The following CELSR1 variants were observed in gnomAD, a reference collection of about 807,000 sequenced individuals.
CELSR1 encodes adhesion G protein-coupled receptor C1.
In CELSR1, 110 loss-of-function variants were observed where a neutral mutation model predicts 249.1. The observed-to-expected ratio is 0.44, with a 90% confidence interval of 0.38 to 0.52. The LOEUF (loss-of-function observed/expected upper bound fraction) is 0.52. Among genes scored for constraint, CELSR1 ranks in the 20% least tolerant of loss-of-function variants. CELSR1 has a pLI of 0.00. For synonymous variants in CELSR1, 2,113 were observed against 1,900.0 expected, an observed-to-expected ratio of 1.11 and a Z score of -2.92; for missense variants, 4,109 against 4,296.4, an observed-to-expected ratio of 0.96 and a Z score of 1.22.
chr22:46,411,003 C>T lies in CELSR1; in HGVS notation c.4770-442G>A, dbSNP rs1411711026. Among the ~76,000 whole-genome samples, 2 of 152,016 alleles carry T rather than the reference C, an allele frequency of 1.3e-5. No individual in the cohort carries two copies. The highest frequency in any genetic ancestry group is 1.3e-4 in the Admixed American group (2 of 15,260). On this transcript the variant is annotated intron_variant, in intron 6 of 34. Transcript: ENST00000674500. This position sits in a 1 kb window ranked among gnomAD's most constrained non-coding sequence, Gnocchi z 4.2. ...CGGGCAGATCACGAGGTCAAGAGAT[C>T]GAGACCATCCTGGCCAACAGGATGG...
chr22:46,522,396 C>A (rs889563370), intron 1 of CELSR1, among the ~76,000 whole-genome samples: 2 of 152,152 alleles, frequency 1.3e-5, no homozygotes, highest in Non-Finnish European at 2.9e-5. Flanking sequence ...TAGGCTGGAG[C>A]CCCCACGCCT....
chr22:46,369,609 G>T, intron 26 of CELSR1, 83 bp downstream of exon 26: 3 of 1,303,636 alleles, frequency 2.3e-6, no homozygotes, highest in South Asian at 1.3e-5. Flanking sequence ...CAGAGGAGTT[G>T]GTGGCCCCAG....
intron 14 of CELSR1, among the ~76,000 whole-genome samples, chr22:46,392,616 G>A (rs1271682163): frequency 1.3e-5 from 2 of 152,088 alleles, no homozygotes; most frequent in African/African-American, 4.8e-5. Flanking sequence ...GAGTGCAGTG[G>A]TGCAGTCACA....
At chr22:46,373,996 A>T (rs80220256) in intron 24 of CELSR1, among the ~76,000 whole-genome samples, 6 of 152,206 alleles carry the variant, frequency 3.9e-5, no homozygotes, top group Non-Finnish European at 4.4e-5. Context: ...TCGAAGGGCC[A>T]GCCACCCTCC....
chr22:46,458,154 G>T (rs2079978982), intron 2 of CELSR1, among the ~76,000 whole-genome samples: 2 of 152,168 alleles, frequency 1.3e-5, no homozygotes, highest in Admixed American at 6.5e-5. Context: ...AGACCTGGGG[G>T]AAGGTGCGCT....
intron 1 of CELSR1, among the ~76,000 whole-genome samples, chr22:46,491,365 G>T (rs1327471111): frequency 6.7e-6 from 1 of 148,998 alleles, no homozygotes; most frequent in Non-Finnish European, 1.5e-5. Context: ...CCAGGTTCAA[G>T]TGATTCTCCT....
rs773457334 is a variant in CELSR1, at chr22:46,369,246, T to C, written c.7885A>G (p.Thr2629Ala). 1.2e-6 allele frequency: 2 copies of C among 1,613,578 alleles called. No individual in the cohort carries two copies. Among genetic ancestry groups the C allele is most frequent in the South Asian group, 2.2e-5 (2 of 91,054 alleles). ...IGAVIIINTV[T>A]SVLSAKVSCQ... ...GAAACCTTTGCAGATAGGACAGAAGTGACTGTGTTGATCTGAAAACAAAAC... is the reference window on the plus strand; with the variant it reads ...GAAACCTTTGCAGATAGGACAGAAGCGACTGTGTTGATCTGAAAACAAAAC... The change falls in exon 27 of 35, where the codon ACT becomes GCT. Residue 2629 changes from threonine to alanine, a missense_variant. Physicochemically the swap from Thr to Ala is moderately conservative, Grantham distance 58. Coordinates refer to ENST00000674500, the MANE Select transcript of CELSR1 (RefSeq NM_001378328.1).
intron 1 of CELSR1, among the ~76,000 whole-genome samples, chr22:46,510,356 G>A (rs1454435416): frequency 2.0e-5 from 3 of 152,016 alleles, no homozygotes; most frequent in African/African-American, 7.3e-5. Flanking sequence ...CCGAGCCACG[G>A]AGGCTGGAAC....
chr22:46,423,846 G>A lies in CELSR1; in HGVS notation c.4611+9547C>T, dbSNP rs1305985723. Reference sequence around the variant, plus strand: ...AATTAGCCAGGCGTGGTGGTGGTGCGCACCTGTAATCCCAGCTACTTGGGA... The same window carrying A: ...AATTAGCCAGGCGTGGTGGTGGTGCACACCTGTAATCCCAGCTACTTGGGA... On this transcript the variant is annotated intron_variant, in intron 5 of 34. Coordinates refer to ENST00000674500, the MANE Select transcript of CELSR1 (RefSeq NM_001378328.1). The surrounding 1 kb of genome is among the most constrained non-coding windows in gnomAD (Gnocchi z 5.6). 2.0e-5 allele frequency among the ~76,000 whole-genome samples: 3 copies of A among 151,130 alleles called. No homozygotes were observed. The highest frequency in any genetic ancestry group is 7.3e-5 in the African/African-American group (3 of 41,076).
chr22:46,522,194 C>A (rs2080693217), intron 1 of CELSR1, among the ~76,000 whole-genome samples: 1 of 152,198 alleles, frequency 6.6e-6, no homozygotes, highest in Non-Finnish European at 1.5e-5. Context: ...GATGCAATCT[C>A]AGCTCACTGC....
intron 12 of CELSR1, 80 bp downstream of exon 12, chr22:46,397,594 G>A (rs761383203): frequency 3.5e-5 from 46 of 1,311,126 alleles, no homozygotes; most frequent in Non-Finnish European, 3.9e-5. Context: ...GGACGCTAAT[G>A]TCTAAACTGA....
At position 46,492,432 on chromosome 22, in the gene CELSR1, T is replaced by C. The variant is rs963111106; in HGVS notation, c.3545-28087A>G. On this transcript the variant is annotated intron_variant, in intron 1 of 34. Coordinates refer to ENST00000674500, the MANE Select transcript of CELSR1 (RefSeq NM_001378328.1). ...GCCCAATTTCAACCAGGGACAGAAA[T>C]TACCTCTTTTTTCTTTTCCATAAAA... Among the ~76,000 whole-genome samples, 6 of 152,294 alleles carry C rather than the reference T, an allele frequency of 3.9e-5. No individual in the cohort carries two copies. In the South Asian group the frequency reaches 1.0e-3, roughly 26 times the overall value.
At position 46,391,583 on chromosome 22, in the gene CELSR1, C is replaced by A. The variant is rs199620589; in HGVS notation, c.6148+50G>T. ...TGCACACACGTGCACGCCAGTGCAGCAGCCTGTCCCCGCGCTGTAACCTGC... is the reference window on the plus strand; with the variant it reads ...TGCACACACGTGCACGCCAGTGCAGAAGCCTGTCCCCGCGCTGTAACCTGC... On this transcript the variant is annotated intron_variant, in intron 15 of 34. Transcript: ENST00000674500. This position sits in a 1 kb window ranked among gnomAD's most constrained non-coding sequence, Gnocchi z 4.3. 23 of 1,511,928 alleles carry A rather than the reference C, an allele frequency of 1.5e-5. No homozygotes were observed. The African/African-American group carries it at 2.1e-4, about 14-fold the overall frequency. 93.7% of individuals were successfully genotyped at this position (1,511,928 alleles called of 1,614,324 possible).
intron 1 of CELSR1, among the ~76,000 whole-genome samples, chr22:46,492,740 A>T (rs1333652306): frequency 1.3e-5 from 2 of 151,954 alleles, no homozygotes; most frequent in Admixed American, 6.6e-5. Flanking sequence ...GCTCGAGGCA[A>T]GATCCACCGT....
In CELSR1 at chr22:46,412,489, A is replaced by G. The variant is rs1030865868; in HGVS notation, c.4612-730T>C. 6.6e-6 allele frequency among the ~76,000 whole-genome samples: 1 copy of G among 152,032 alleles called. No homozygotes were observed. The highest frequency in any genetic ancestry group is 2.1e-4 in the South Asian group (1 of 4,814). ...CTGCCCGGCCTGCAGACGGCCCCAC[A>G]TCTCCCCTCTAAGGCGTGGAACTCC... is the stretch of plus-strand genomic sequence containing the variant. On this transcript the variant is annotated intron_variant, in intron 5 of 34. Coordinates refer to ENST00000674500, the MANE Select transcript of CELSR1 (RefSeq NM_001378328.1). This position sits in a 1 kb window ranked among gnomAD's most constrained non-coding sequence, Gnocchi z 4.5.
Position 46,398,408 on chromosome 22 carries a change from A to T in CELSR1, c.5526+116T>A. The T allele has an allele frequency of 1.5e-6, 1 of 673,490 alleles. No individual in the cohort carries two copies. Among genetic ancestry groups the T allele is most frequent in the South Asian group, 2.0e-5 (1 of 50,814 alleles). The allele number at this position is 673,490 out of a possible 1,614,324, so 41.7% of individuals were successfully genotyped here. A position where few individuals can be genotyped will look rare whatever the true frequency, so the allele number is the denominator to read the frequency against. ...TAAAGTGGGGATGCCTGTCAGACAAATTCTTCACTCGTTGAAAGCTAACAG... is the reference window on the plus strand; with the variant it reads ...TAAAGTGGGGATGCCTGTCAGACAATTTCTTCACTCGTTGAAAGCTAACAG... On this transcript the variant is annotated intron_variant, in intron 11 of 34. Transcript: ENST00000674500. The surrounding 1 kb of genome is among the most constrained non-coding windows in gnomAD (Gnocchi z 7.2).
chr22:46,503,028 G>A lies in CELSR1; in HGVS notation c.3544+30599C>T, dbSNP rs370333901. ...GTGCCCACTCCATGGGCAACTCCAG[G>A]ACAGCCCCCCTTCTCCGTGCCCACC... On this transcript the variant is annotated intron_variant, in intron 1 of 34. Transcript: ENST00000674500. Among the ~76,000 whole-genome samples the A allele has an allele frequency of 9.8e-5, 15 of 152,294 alleles. No homozygotes were observed. In the South Asian group the frequency reaches 3.1e-3, roughly 32 times the overall value.
Position 46,393,291 on chromosome 22 carries a change from G to A in CELSR1, c.5964+851C>T, listed in dbSNP as rs530777044. Reference sequence around the variant, plus strand: ...GGGAGGGGTCCCTAGAGTCTGCACTGAGAACGCGTGTGCATTTCTGGAGAC... The same window carrying A: ...GGGAGGGGTCCCTAGAGTCTGCACTAAGAACGCGTGTGCATTTCTGGAGAC... On this transcript the variant is annotated intron_variant, in intron 14 of 34. Transcript: ENST00000674500. The surrounding 1 kb of genome is among the most constrained non-coding windows in gnomAD (Gnocchi z 4.1). Among the ~76,000 whole-genome samples the A allele has an allele frequency of 1.3e-5, 2 of 152,380 alleles. No individual in the cohort carries two copies. Among genetic ancestry groups the A allele is most frequent in the Admixed American group, 6.5e-5 (1 of 15,308 alleles).
At chr22:46,507,444 C>T (rs376979172) in intron 1 of CELSR1, among the ~76,000 whole-genome samples, 19 of 152,216 alleles carry the variant, frequency 1.2e-4, no homozygotes, top group African/African-American at 4.3e-4. Context: ...CGAGCAGCTG[C>T]AGCGTACTCC....
Sources: gnomAD v4.1 joint callset for allele counts (sites outside exome capture counted in the v4.1 genomes callset) on GRCh38, gnomAD v4.1.1 for gene constraint, Gnocchi (gnomAD v3.1) non-coding constraint, MANE v1.5 for transcripts, NCBI Gene and HGNC (gene_info 2026-07-23, HGNC 2026-07-21) for gene names.